The following ZGRF1 variants were observed in gnomAD, a reference collection of about 807,000 sequenced individuals.
ZGRF1 encodes the protein 5'-3' DNA helicase ZGRF1.
ZGRF1 carries 196 observed loss-of-function variants against 203.5 expected under a neutral mutation model. The observed-to-expected ratio is 0.96, with a 90% CI of 0.86 to 1.08. ZGRF1 has a LOEUF of 1.08. Among genes scored for constraint, ZGRF1 ranks in the 50% least tolerant of loss-of-function variants. The probability of loss-of-function intolerance (pLI) is 0.00; values close to 1 mark genes in which losing one functional copy is unlikely to be tolerated. For missense variants in ZGRF1, 2,326 were observed against 2,416.3 expected, an observed-to-expected ratio of 0.96 and a Z score of 0.78; for synonymous variants, 809 against 841.3, an observed-to-expected ratio of 0.96 and a Z score of 0.66.
chr4:112,606,410 C>T (rs2149107163), intron 8 of ZGRF1, among the ~76,000 whole-genome samples: 1 of 152,072 alleles, frequency 6.6e-6, no homozygotes, highest in Middle Eastern at 3.4e-3. Context: ...GCCTGTAATC[C>T]CAGCACTTTG....
At position 112,618,026 on chromosome 4, in the gene ZGRF1, G is replaced by A. The variant is rs1306403573; in HGVS notation, c.2016C>T (p.Asn672=). The change falls in exon 6 of 28, where the codon AAC becomes AAT. Residue 672 remains asparagine (N), a synonymous_variant. Coordinates refer to ENST00000505019, the MANE Select transcript of ZGRF1 (RefSeq NM_018392.5). ...ANKPIQEVRI[N]YDFALPPNKS... ...TATTCGGGGGTAAAGCAAAATCATA[G>A]TTAATTCTGACTTCTTGAATAGGTT... The A allele has an allele frequency of 6.2e-7, 1 of 1,612,740 alleles. No homozygotes were observed.
intron 16 of ZGRF1, among the ~76,000 whole-genome samples, chr4:112,581,112 G>A (rs1490214003): frequency 6.6e-6 from 1 of 152,000 alleles, no homozygotes; most frequent in Non-Finnish European, 1.5e-5. Context: ...AAAAGGATGA[G>A]TTCATGTCCT....
At chr4:112,576,161 C>A (rs1745172054) in intron 16 of ZGRF1, among the ~76,000 whole-genome samples, 1 of 152,226 alleles carries the variant, frequency 6.6e-6, no homozygotes, top group Admixed American at 6.5e-5. Context: ...GATACCCAGG[C>A]AAACAGGGTC....
At chr4:112,614,587 G>A (rs572524944) in intron 6 of ZGRF1, among the ~76,000 whole-genome samples, 4 of 152,286 alleles carry the variant, frequency 2.6e-5, no homozygotes, top group South Asian at 2.1e-4. Context: ...CCAGCACTTC[G>A]GGAGGCCGAG....
chr4:112,626,247 T>C (rs2047236416), intron 3 of ZGRF1, among the ~76,000 whole-genome samples: 1 of 152,166 alleles, frequency 6.6e-6, no homozygotes, highest in African/African-American at 2.4e-5. Flanking sequence ...GTGTGAAGTG[T>C]GAATTATATC....
chr4:112,553,902 T>C lies in ZGRF1; in HGVS notation c.5279A>G (p.Glu1760Gly), dbSNP rs1344377935. ...AATGCTTTTTCTCACATAGACTCTT[T>C]CCGTAGGAGTCAGGTCTTCTTTCAT... ...ALMKEDLTPT[E>G]RVYVRKSIEQ... is the part of the protein sequence containing the mutation. Residue 1760 changes from glutamate to glycine, a missense_variant, in exon 22 of 28, where the codon GAA becomes GGA. By Grantham distance (98) the Glu-to-Gly change is moderately conservative. Transcript: ENST00000505019. 1 of 1,613,710 alleles carries C rather than the reference T, an allele frequency of 6.2e-7. No individual in the cohort carries two copies. Among genetic ancestry groups the C allele is most frequent in the Non-Finnish European group, 8.5e-7 (1 of 1,179,762 alleles).
chr4:112,560,851 C>A lies in ZGRF1; in HGVS notation c.4842G>T (p.Lys1614Asn), dbSNP rs142878529. 1.6e-4 allele frequency: 256 copies of A among 1,613,626 alleles called. No homozygotes were observed. The highest frequency in any genetic ancestry group is 2.1e-4 in the Non-Finnish European group (242 of 1,179,754). The change falls in exon 19 of 28, where the codon AAG becomes AAT. Residue 1614 changes from lysine to asparagine, a missense_variant. By Grantham distance (94) the Lys-to-Asn change is moderately conservative. Transcript: ENST00000505019. Reference protein sequence around the residue: ...KLASELIQVHKLNKDQATALI... With the variant: ...KLASELIQVHNLNKDQATALI... ...GAGCTGTAGCTTGATCCTTGTTTAA[C>A]TTGTGTACCTGAATCAACTCACTAG...
chr4:112,558,885 A>C (rs1741434153), intron 19 of ZGRF1, among the ~76,000 whole-genome samples: 1 of 152,248 alleles, frequency 6.6e-6, no homozygotes, highest in Non-Finnish European at 1.5e-5. Flanking sequence ...GGATCAGAGA[A>C]GGAAGAAAAT....
chr4:112,585,452 A>G (rs1216896818), intron 14 of ZGRF1, 89 bp downstream of exon 14: 2 of 990,386 alleles, frequency 2.0e-6, no homozygotes, highest in Admixed American at 3.5e-5. Flanking sequence ...ATCAAGACTC[A>G]CTCTTTAAGC....
In ZGRF1 at chr4:112,583,961, G is replaced by A; in HGVS notation, c.4298+17C>T. 4 of 1,514,608 alleles carry A rather than the reference G, an allele frequency of 2.6e-6. No homozygotes were observed. In the South Asian group the frequency reaches 5.0e-5, roughly 19 times the overall value. The allele number at this position is 1,514,608 out of a possible 1,614,324, so 93.8% of individuals were successfully genotyped here. A position where few individuals can be genotyped will look rare whatever the true frequency, so the allele number is the denominator to read the frequency against. Reference sequence around the variant, plus strand: ...CTTATATAATCACAGGCAATTATTTGGTACTATAAAACATACCTCACCAAA... The same window carrying A: ...CTTATATAATCACAGGCAATTATTTAGTACTATAAAACATACCTCACCAAA... On this transcript the variant is annotated intron_variant, in intron 15 of 27. Coordinates refer to ENST00000505019, the MANE Select transcript of ZGRF1 (RefSeq NM_018392.5).
intron 15 of ZGRF1, among the ~76,000 whole-genome samples, chr4:112,582,784 A>G (rs1746496936): frequency 6.6e-6 from 1 of 151,946 alleles, no homozygotes; most frequent in Non-Finnish European, 1.5e-5. Flanking sequence ...TAACATAATG[A>G]CCTCCAGTTG....
At chr4:112,612,300 C>A (rs972117589) in intron 7 of ZGRF1, among the ~76,000 whole-genome samples, 2 of 152,072 alleles carry the variant, frequency 1.3e-5, no homozygotes, top group African/African-American at 4.8e-5. Flanking sequence ...AAAATGCTTA[C>A]AAAGTTACTA....
chr4:112,578,973 C>G (rs1295474231), intron 16 of ZGRF1, among the ~76,000 whole-genome samples: 3 of 121,512 alleles, frequency 2.5e-5, no homozygotes, highest in African/African-American at 5.8e-5. Context: ...AACAAAAAAA[C>G]AGAATTTTAG....
chr4:112,585,748 G>A (rs2149015489), intron 13 of ZGRF1, 23 bp from the exon 14 acceptor site: 1 of 1,438,788 alleles, frequency 7.0e-7, no homozygotes, highest in Non-Finnish European at 9.4e-7. Context: ...AAAAAAGAGA[G>A]CAGAAAATTA....
At chr4:112,565,699 T>C (rs6533628) in intron 16 of ZGRF1, among the ~76,000 whole-genome samples, 90,901 of 151,940 alleles carry the variant, frequency 0.6, 27,829 homozygotes, top group East Asian at 0.91. Flanking sequence ...CATGAACAGA[T>C]GCTTCTCAAA....
At chr4:112,598,343 A>G (rs949756310) in intron 10 of ZGRF1, among the ~76,000 whole-genome samples, 2 of 152,232 alleles carry the variant, frequency 1.3e-5, no homozygotes, top group African/African-American at 2.4e-5. Flanking sequence ...CAAATTTTAA[A>G]AAGAGACAAT....
intron 10 of ZGRF1, among the ~76,000 whole-genome samples, chr4:112,592,395 G>A (rs943691293): frequency 2.0e-5 from 3 of 152,078 alleles, no homozygotes; most frequent in Non-Finnish European, 4.4e-5. Flanking sequence ...ACCACGCCAG[G>A]CCTCATTCAC....
In ZGRF1 at chr4:112,587,732, G is replaced by A. The variant is rs746297957; in HGVS notation, c.3325C>T (p.Leu1109Phe). 2.2e-5 allele frequency: 35 copies of A among 1,571,282 alleles called. No homozygotes were observed. In the Admixed American group the frequency reaches 6.7e-4, roughly 30 times the overall value. Residue 1109 changes from leucine to phenylalanine, a missense_variant, in exon 12 of 28, where the codon CTT becomes TTT. By Grantham distance (22) the Leu-to-Phe change is conservative. Transcript: ENST00000505019. ...MLNLCEKSAV[L>F]SFSIEPEDQN... ...TCCTCAGGCTCAATGCTAAACGAAA[G>A]AACTGCTGACTTTTCACACAAATTG... is the stretch of plus-strand genomic sequence containing the variant.
chr4:112,615,743 C>T (rs1200292841), intron 6 of ZGRF1, among the ~76,000 whole-genome samples: 1 of 151,636 alleles, frequency 6.6e-6, no homozygotes, highest in Non-Finnish European at 1.5e-5. Context: ...AAATGATTCT[C>T]CTGCCTCAGC....
Sources: gnomAD v4.1 joint callset for allele counts (sites outside exome capture counted in the v4.1 genomes callset) on GRCh38, gnomAD v4.1.1 for gene constraint, MANE v1.5 for transcripts, NCBI Gene and HGNC (gene_info 2026-07-23, HGNC 2026-07-21) for gene names.